The following FSD1L variants were observed in gnomAD, a reference collection of about 807,000 sequenced individuals.
FSD1L encodes fibronectin type III and SPRY domain containing 1 like.
In FSD1L, 45 loss-of-function variants were observed where a neutral mutation model predicts 71.6. The ratio of observed to expected loss-of-function variants is 0.63; its 90% CI spans 0.49 to 0.81. The LOEUF is 0.81. Among genes scored for constraint, FSD1L ranks in the 30% least tolerant of loss-of-function variants. The pLI is 0.00. For missense variants in FSD1L, 561 were observed against 618.1 expected (o/e 0.91, Z 0.98); for synonymous variants, 197 against 207.2 (o/e 0.95, Z 0.42).
intron 9 of FSD1L, among the ~76,000 whole-genome samples, chr9:105,510,799 T>TTG (rs1193178511): frequency 1.3e-5 from 2 of 152,160 alleles, no homozygotes; most frequent in Non-Finnish European, 2.9e-5. Flanking sequence ...CCAACTTTAA[T>TTG]TGATAGCAGC....
At chr9:105,502,859 C>T (rs370698784) in intron 7 of FSD1L, among the ~76,000 whole-genome samples, 2 of 148,468 alleles carry the variant, frequency 1.3e-5, no homozygotes, top group African/African-American at 4.9e-5. Flanking sequence ...GGAGGAGTTT[C>T]GTCCAGAAGG....
intron 3 of FSD1L, among the ~76,000 whole-genome samples, chr9:105,465,022 A>G (rs1830965235): frequency 6.6e-6 from 1 of 152,172 alleles, no homozygotes; most frequent in South Asian, 2.1e-4. Flanking sequence ...CTACTTGTAG[A>G]AGTAGATGAA....
At chr9:105,536,826 G>A (rs1269940721) in intron 12 of FSD1L, among the ~76,000 whole-genome samples, 2 of 151,872 alleles carry the variant, frequency 1.3e-5, no homozygotes, top group Non-Finnish European at 2.9e-5. Flanking sequence ...TAGTAGAGAC[G>A]GGGTTTCACC....
chr9:105,508,483 C>T (rs1371922681), intron 8 of FSD1L, 134 bp from the exon 9 acceptor site: 8 of 589,780 alleles, frequency 1.4e-5, no homozygotes, highest in African/African-American at 3.8e-5. Flanking sequence ...GGCCCACATA[C>T]CACTCTTTTA....
Position 105,468,105 on chromosome 9 carries a change from AATTT to A in FSD1L, c.208-84_208-81del, listed in dbSNP as rs1831192909. Reference sequence around the variant, plus strand: ...TTAGGCCAACATAGTTTGTAATATAAATTTATTCTCTCTTTTGGGCATACCTTTT... The same window carrying A: ...TTAGGCCAACATAGTTTGTAATATAAATTCTCTCTTTTGGGCATACCTTTT... On this transcript the variant is annotated intron_variant, in intron 3 of 13. Transcript: ENST00000481272. The A allele has an allele frequency of 3.4e-6, 3 of 876,562 alleles. No individual in the cohort carries two copies. In the South Asian group the frequency reaches 1.2e-4, roughly 35 times the overall value. The allele number at this position is 876,562 out of a possible 1,614,324, so 54.3% of individuals were successfully genotyped here. A position where few individuals can be genotyped will look rare whatever the true frequency, so the allele number is the denominator to read the frequency against.
At chr9:105,546,034 G>A (rs1032350566) in intron 13 of FSD1L, among the ~76,000 whole-genome samples, 4 of 152,048 alleles carry the variant, frequency 2.6e-5, no homozygotes, top group African/African-American at 7.2e-5. Context: ...CCTTGGTTGT[G>A]AAAATTAGCA....
At chr9:105,465,849 C>G (rs563743690) in intron 3 of FSD1L, among the ~76,000 whole-genome samples, 48 of 150,988 alleles carry the variant, frequency 3.2e-4, no homozygotes, top group African/African-American at 1.1e-3. Context: ...AAGTCAGGAA[C>G]AAGACAAAGA....
chr9:105,541,445 C>T (rs963828140), intron 13 of FSD1L, among the ~76,000 whole-genome samples: 3 of 151,818 alleles, frequency 2.0e-5, no homozygotes, highest in African/African-American at 7.2e-5. Context: ...AGTAGATTTA[C>T]TTTTAATTTG....
At chr9:105,544,382 T>C (rs916845809) in intron 13 of FSD1L, among the ~76,000 whole-genome samples, 5 of 152,236 alleles carry the variant, frequency 3.3e-5, no homozygotes, top group African/African-American at 9.6e-5. Flanking sequence ...AGGTTGCCTG[T>C]TCACTCTGAT....
chr9:105,493,915 T>C (rs938484643), intron 7 of FSD1L, among the ~76,000 whole-genome samples: 21 of 152,240 alleles, frequency 1.4e-4, no homozygotes, highest in Non-Finnish European at 2.9e-4. Context: ...CCGACCTTTC[T>C]CTCTGGCTGC....
chr9:105,475,401 A>G (rs991673139), intron 5 of FSD1L, among the ~76,000 whole-genome samples: 12 of 152,188 alleles, frequency 7.9e-5, no homozygotes, highest in African/African-American at 2.9e-4. Flanking sequence ...GTAATGAATG[A>G]TTCGCCTGTA....
At chr9:105,490,155 C>T (rs77998633) in intron 7 of FSD1L, among the ~76,000 whole-genome samples, 108,960 of 151,942 alleles carry the variant, frequency 0.72, 39,944 homozygotes, top group African/African-American at 0.88. Context: ...TCCACATCCT[C>T]TCCAGCACCT....
intron 10 of FSD1L, chr9:105,530,849 A>C (rs183380012): frequency 1.7e-5 from 7 of 403,338 alleles, no homozygotes; most frequent in Admixed American, 4.4e-5. Context: ...GGTGTTCCTT[A>C]ATTGATAGTA....
At position 105,525,794 on chromosome 9, in the gene FSD1L, C is replaced by A. The variant is rs1265540588; in HGVS notation, c.1026-8699C>A. ...GGTCTTGGTTTGGAGGTAAATCTTA[C>A]AAACCATTGTGGTTTTATGGGAGGA... On this transcript the variant is annotated intron_variant, in intron 10 of 13. Coordinates refer to ENST00000481272, the MANE Select transcript of FSD1L (RefSeq NM_001145313.3). 2.5e-6 allele frequency: 4 copies of A among 1,607,552 alleles called. No homozygotes were observed. In the African/African-American group the frequency reaches 4.0e-5, roughly 16 times the overall value.
At chr9:105,487,359 GT>G (rs1390225797) in intron 7 of FSD1L, among the ~76,000 whole-genome samples, 3 of 151,128 alleles carry the variant, frequency 2.0e-5, no homozygotes, top group Non-Finnish European at 4.4e-5. Flanking sequence ...AGATTTCACA[GT>G]TTATATGTAC....
intron 10 of FSD1L, among the ~76,000 whole-genome samples, chr9:105,531,199 C>G (rs1008359787): frequency 1.3e-5 from 2 of 152,168 alleles, no homozygotes; most frequent in Non-Finnish European, 2.9e-5. Flanking sequence ...CCTCCAGTAT[C>G]TGATTTAGTA....
intron 12 of FSD1L, among the ~76,000 whole-genome samples, chr9:105,537,125 A>G (rs190345167): frequency 5.6e-4 from 85 of 152,348 alleles, no homozygotes; most frequent in African/African-American, 1.8e-3. Flanking sequence ...TTTCATAAGC[A>G]TATTCTCTAC....
At chr9:105,530,390 G>A (rs1835815014) in intron 10 of FSD1L, 2 of 484,716 alleles carry the variant, frequency 4.1e-6, no homozygotes, top group Non-Finnish European at 7.2e-6. Context: ...AGTCTGGAAT[G>A]CTGCAATGGA....
chr9:105,544,503 T>C (rs1836848118), intron 13 of FSD1L, among the ~76,000 whole-genome samples: 1 of 152,204 alleles, frequency 6.6e-6, no homozygotes, highest in Non-Finnish European at 1.5e-5. Context: ...TCCTTGCCCA[T>C]GCCTATGTCC....
Sources: allele counts gnomAD v4.1 joint callset (sites outside exome capture counted in the v4.1 genomes callset), GRCh38; gene constraint gnomAD v4.1.1; transcripts MANE v1.5; gene names NCBI Gene and HGNC (gene_info 2026-07-23, HGNC 2026-07-21).